KCNIP4: variants seen among roughly 807,000 people sequenced by gnomAD.
KCNIP4 encodes the protein potassium voltage-gated channel interacting protein 4, also known as Kv channel-interacting protein 4.
A neutral mutation model predicts 34.0 loss-of-function variants in KCNIP4; 12 were observed. That is an observed-to-expected ratio of 0.35 (90% CI 0.23 to 0.57). The LOEUF (loss-of-function observed/expected upper bound fraction) is 0.57. Ranked by LOEUF, KCNIP4 falls within the 20% of genes least tolerant of loss-of-function variation. The pLI is 0.83. For synonymous variants in KCNIP4, 124 were observed against 102.2 expected (o/e 1.21, Z -1.29); for missense variants, 238 against 311.7 (o/e 0.76, Z 1.78).
intron 8 of KCNIP4, chr4:20,731,406 A>G (rs1748164020): frequency 3.0e-6 from 3 of 985,228 alleles, no homozygotes; most frequent in African/African-American, 1.7e-5. Context: ...CTGCCCACAC[A>G]TCAAGTCAAA....
At chr4:21,561,423 C>G (rs1031393284) in intron 1 of KCNIP4, among the ~76,000 whole-genome samples, 2 of 151,890 alleles carry the variant, frequency 1.3e-5, no homozygotes, top group African/African-American at 4.8e-5. Flanking sequence ...CTACAATTTC[C>G]TTAGATAGCA....
At chr4:21,627,139 G>A (rs541637902) in intron 1 of KCNIP4, among the ~76,000 whole-genome samples, 2 of 152,118 alleles carry the variant, frequency 1.3e-5, no homozygotes, top group African/African-American at 4.8e-5. Context: ...TGCAAAATTT[G>A]TGTGTAGATT....
chr4:21,583,455 A>G (rs1010853779), intron 1 of KCNIP4, among the ~76,000 whole-genome samples: 6 of 151,988 alleles, frequency 3.9e-5, no homozygotes, highest in Non-Finnish European at 8.8e-5. Flanking sequence ...CTGACATACA[A>G]TAAGTGCTCA....
intron 1 of KCNIP4, among the ~76,000 whole-genome samples, chr4:21,668,354 A>AG (rs1749188571): frequency 6.6e-6 from 1 of 151,680 alleles, no homozygotes. Flanking sequence ...TTTTTTTAGA[A>AG]GAAAAAAAAA....
chr4:21,526,422 T>C (rs1424563169), intron 1 of KCNIP4, among the ~76,000 whole-genome samples: 1 of 152,120 alleles, frequency 6.6e-6, no homozygotes, highest in African/African-American at 2.4e-5. Flanking sequence ...CCTCTTTCTT[T>C]ATAAATTATG....
chr4:20,852,685 T>C (rs1721162511), intron 2 of KCNIP4, among the ~76,000 whole-genome samples: 1 of 152,168 alleles, frequency 6.6e-6, no homozygotes, highest in Non-Finnish European at 1.5e-5. Context: ...GAAGTCAAAC[T>C]GTCATTGTTT....
At chr4:21,370,777 A>T (rs1163786267) in intron 1 of KCNIP4, among the ~76,000 whole-genome samples, 1 of 111,084 alleles carries the variant, frequency 9.0e-6, no homozygotes, top group African/African-American at 4.3e-5. Flanking sequence ...TGTTGGAGGA[A>T]CAGACAGGAG....
chr4:21,126,629 A>G (rs200493140), intron 1 of KCNIP4, among the ~76,000 whole-genome samples: 2 of 143,240 alleles, frequency 1.4e-5, no homozygotes, highest in Non-Finnish European at 1.5e-5. Flanking sequence ...AAAAAAAAAA[A>G]AAAGAAAAGA....
In KCNIP4 at chr4:21,171,354, G is replaced by A. The variant is rs182890060; in HGVS notation, c.62-288645C>T. ...AAAAGTAGATCCTGCAGAATGAGAG[G>A]GAGTCCCTGTGTTGGCAGAGAGGAG... On this transcript the variant is annotated intron_variant, in intron 1 of 8. Transcript: ENST00000382152. 2.6e-5 allele frequency among the ~76,000 whole-genome samples: 4 copies of A among 152,220 alleles called. No individual in the cohort carries two copies. In the East Asian group the frequency reaches 5.8e-4, roughly 22 times the overall value.
At position 21,655,431 on chromosome 4, in the gene KCNIP4, G is replaced by T. The variant is rs561457347; in HGVS notation, c.61+293140C>A. The stretch of plus-strand genomic sequence containing the variant: ...GGAGAGACCACGAGTCTAAAGGGAG[G>T]GCAGGAGGGATAAAATGAACATCTT... On this transcript the variant is annotated intron_variant, in intron 1 of 8. Coordinates refer to ENST00000382152, the MANE Select transcript of KCNIP4 (RefSeq NM_025221.6). 1.2e-4 allele frequency among the ~76,000 whole-genome samples: 18 copies of T among 151,930 alleles called. No homozygotes were observed. The South Asian group carries it at 3.8e-3, about 32-fold the overall frequency.
intron 1 of KCNIP4, among the ~76,000 whole-genome samples, chr4:21,505,279 A>T (rs1733744474): frequency 6.6e-6 from 1 of 152,102 alleles, no homozygotes; most frequent in Admixed American, 6.5e-5. Context: ...CAGGAAAAAA[A>T]AAAAAAGATC....
intron 1 of KCNIP4, among the ~76,000 whole-genome samples, chr4:21,321,708 GAGA>G (rs1714436250): frequency 1.5e-5 from 1 of 68,448 alleles, no homozygotes; most frequent in Admixed American, 1.5e-4. Flanking sequence ...GAAGGAAGGA[GAGA>G]AGGAAGGCAG....
intron 1 of KCNIP4, among the ~76,000 whole-genome samples, chr4:21,043,769 T>C (rs1742171519): frequency 1.3e-5 from 2 of 152,182 alleles, no homozygotes; most frequent in South Asian, 4.1e-4. Flanking sequence ...ATGTATCAAA[T>C]AGTATGCCAA....
chr4:21,761,664 C>T (rs1346920451), intron 1 of KCNIP4, among the ~76,000 whole-genome samples: 1 of 151,616 alleles, frequency 6.6e-6, no homozygotes, highest in Non-Finnish European at 1.5e-5. Context: ...AATAAATATA[C>T]CACAATATTA....
intron 1 of KCNIP4, among the ~76,000 whole-genome samples, chr4:21,004,561 A>C (rs1738398420): frequency 6.6e-6 from 1 of 152,200 alleles, no homozygotes; most frequent in Non-Finnish European, 1.5e-5. Context: ...AGTCAAGGTG[A>C]GAGTCTTGGA....
chr4:21,803,186 C>T (rs543234249), intron 1 of KCNIP4, among the ~76,000 whole-genome samples: 7 of 152,280 alleles, frequency 4.6e-5, no homozygotes, highest in South Asian at 2.1e-4. Context: ...GTAAATGTCA[C>T]GACATCTCTT....
At chr4:21,683,324 C>G (rs750491039) in intron 1 of KCNIP4, among the ~76,000 whole-genome samples, 1 of 151,872 alleles carries the variant, frequency 6.6e-6, no homozygotes, top group Non-Finnish European at 1.5e-5. Flanking sequence ...ATGTCACTTG[C>G]CTTTACTAAC....
intron 5 of KCNIP4, among the ~76,000 whole-genome samples, chr4:20,740,955 A>G (rs1260308907): frequency 6.6e-6 from 1 of 152,196 alleles, no homozygotes; most frequent in East Asian, 1.9e-4. Context: ...TAAACCAACA[A>G]AGATCAAAAC....
chr4:20,759,761 T>C (rs1754796913), intron 3 of KCNIP4, among the ~76,000 whole-genome samples: 1 of 152,036 alleles, frequency 6.6e-6, no homozygotes, highest in African/African-American at 2.4e-5. Flanking sequence ...TTTTTTGGAG[T>C]TATAAGAACC....
Sources: allele counts gnomAD v4.1 joint callset (sites outside exome capture counted in the v4.1 genomes callset), GRCh38; gene constraint gnomAD v4.1.1; transcripts MANE v1.5; gene names NCBI Gene and HGNC (gene_info 2026-07-23, HGNC 2026-07-21).